DENND2B: variants seen among roughly 807,000 people sequenced by gnomAD.
DENND2B encodes the protein DENN domain-containing protein 2B.
DENND2B carries 32 observed loss-of-function variants against 116.0 expected under a neutral mutation model. That is an observed-to-expected ratio of 0.28 (90% CI 0.21 to 0.37). The LOEUF (loss-of-function observed/expected upper bound fraction) is 0.37, where lower values mean the gene tolerates loss of function less well. DENND2B is among the 10% of genes least tolerant of loss of function. DENND2B has a pLI of 1.00. For synonymous variants in DENND2B, 588 were observed against 583.9 expected, an observed-to-expected ratio of 1.01 and a Z score of -0.10; for missense variants, 1,276 against 1,477.7, an observed-to-expected ratio of 0.86 and a Z score of 2.24.
At chr11:8,782,750 G>C (rs1012182687) in intron 1 of DENND2B, among the ~76,000 whole-genome samples, 1 of 151,774 alleles carries the variant, frequency 6.6e-6, no homozygotes, top group East Asian at 1.9e-4. Flanking sequence ...AGGCGGGCGT[G>C]GGGGTGGGTG....
chr11:8,712,727 G>T lies in DENND2B; in HGVS notation c.1996C>A (p.Gln666Lys). The stretch of plus-strand genomic sequence containing the variant: ...ATCGACTGGATGTGGACCAGGCGCT[G>T]TGTGTGGGCTGGAGGCAGGTTGCAC... ...DSDDRFKAHTQRLVHIQSMLK... is the reference protein window; with the variant it reads ...DSDDRFKAHTKRLVHIQSMLK... The change falls in exon 9 of 20, where the codon CAG becomes AAG. Residue 666 changes from glutamine to lysine, a missense_variant. Gln to Lys is a moderately conservative substitution (Grantham distance 53). Transcript: ENST00000313726. The surrounding 1 kb of genome is among the most constrained non-coding windows in gnomAD (Gnocchi z 4.4). The T allele has an allele frequency of 6.2e-7, 1 of 1,610,672 alleles. No homozygotes were observed. The highest frequency in any genetic ancestry group is 1.7e-5 in the Admixed American group (1 of 59,862).
chr11:8,813,760 T>TC (rs1426607721), upstream of DENND2B, among the ~76,000 whole-genome samples: 2 of 151,994 alleles, frequency 1.3e-5, no homozygotes, highest in Non-Finnish European at 2.9e-5. Context: ...CGGGCCATGC[T>TC]CCCCCTAGTG....
chr11:8,844,526 G>T (rs2062737765), intron 3 of DENND2B, among the ~76,000 whole-genome samples: 2 of 106,656 alleles, frequency 1.9e-5, no homozygotes, highest in South Asian at 8.0e-4. Flanking sequence ...CTATTTAAAA[G>T]AACATACATT....
intron 1 of DENND2B, among the ~76,000 whole-genome samples, chr11:8,777,972 G>A (rs886194182): frequency 1.3e-5 from 2 of 152,156 alleles, no homozygotes; most frequent in African/African-American, 4.8e-5. Context: ...GGCTGAATGG[G>A]TCTCAGTCTC....
Position 8,712,792 on chromosome 11 carries a change from C to G in DENND2B, c.1988-57G>C. 6.5e-7 allele frequency: 1 copy of G among 1,529,102 alleles called. No homozygotes were observed. The highest frequency in any genetic ancestry group is 1.3e-5 in the South Asian group (1 of 79,916). 94.7% of individuals were successfully genotyped at this position (1,529,102 alleles called of 1,614,324 possible). On this transcript the variant is annotated intron_variant, in intron 8 of 19. Transcript: ENST00000313726. The surrounding 1 kb of genome is among the most constrained non-coding windows in gnomAD (Gnocchi z 4.4). ...CCTCACAGGCCTCATGTTAACTCCT[C>G]TACCCCTGGCTCAGGGCTCCATTGC...
At chr11:8,756,946 A>C (rs1279047065) in intron 1 of DENND2B, 1 of 448,748 alleles carries the variant, frequency 2.2e-6, no homozygotes, top group African/African-American at 2.0e-5. Flanking sequence ...TTCAATTAGC[A>C]TATACCATCC....
At chr11:8,724,038 A>G (rs565915803) in intron 4 of DENND2B, among the ~76,000 whole-genome samples, 4 of 152,282 alleles carry the variant, frequency 2.6e-5, no homozygotes, top group Admixed American at 1.3e-4. Flanking sequence ...GCTCACGCCT[A>G]TAATCCCAGA....
At chr11:8,866,854 A>C (rs2063598270) in intron 2 of DENND2B, among the ~76,000 whole-genome samples, 1 of 152,188 alleles carries the variant, frequency 6.6e-6, no homozygotes, top group African/African-American at 2.4e-5. Flanking sequence ...ACCCATGTAG[A>C]GGTCCTGGTG....
At chr11:8,713,443 GATCTC>G (rs1369598688) in intron 8 of DENND2B, among the ~76,000 whole-genome samples, 1 of 152,040 alleles carries the variant, frequency 6.6e-6, no homozygotes, top group Non-Finnish European at 1.5e-5. Context: ...GCAGTGGCAT[GATCTC>G]AGCTCACTAC....
intron 4 of DENND2B, among the ~76,000 whole-genome samples, chr11:8,819,037 T>C (rs563259048): frequency 5.9e-5 from 9 of 152,338 alleles, no homozygotes; most frequent in African/African-American, 2.2e-4. Flanking sequence ...ATCTCACTGA[T>C]TAGATCAATA....
intron 4 of DENND2B, among the ~76,000 whole-genome samples, chr11:8,820,821 C>T (rs2061731973): frequency 6.6e-6 from 1 of 152,142 alleles, no homozygotes; most frequent in Non-Finnish European, 1.5e-5. Flanking sequence ...ATTGTGCAGC[C>T]ATTGTAAGAG....
At chr11:8,809,219 G>GTA (rs2061162707) in intron 1 of DENND2B, 1 of 152,232 alleles carries the variant, frequency 6.6e-6, no homozygotes, top group African/African-American at 2.4e-5. Context: ...CAACCACGAT[G>GTA]TATACATGTA....
intron 1 of DENND2B, among the ~76,000 whole-genome samples, chr11:8,782,609 G>A (rs546693628): frequency 1.8e-4 from 28 of 152,116 alleles, no homozygotes; most frequent in Non-Finnish European, 2.6e-4. Context: ...ATTGTTGGCC[G>A]GGCGCAGTGG....
chr11:8,698,448 A>G (rs1417198370), intron 16 of DENND2B, among the ~76,000 whole-genome samples: 1 of 152,218 alleles, frequency 6.6e-6, no homozygotes, highest in East Asian at 1.9e-4. Context: ...CATAGGGGAG[A>G]GCACTGGGTT....
intron 1 of DENND2B, among the ~76,000 whole-genome samples, chr11:8,758,750 T>A (rs1452954338): frequency 6.6e-6 from 1 of 152,088 alleles, no homozygotes; most frequent in Non-Finnish European, 1.5e-5. Flanking sequence ...CGCGGCTCCC[T>A]CCACCGCAGC....
At chr11:8,892,663 T>C (rs1163219579) in intron 1 of DENND2B, among the ~76,000 whole-genome samples, 2 of 152,098 alleles carry the variant, frequency 1.3e-5, no homozygotes, top group Non-Finnish European at 2.9e-5. Flanking sequence ...TGGATAAATT[T>C]CTGGACACAT....
intron 3 of DENND2B, among the ~76,000 whole-genome samples, chr11:8,840,360 G>A (rs1470434730): frequency 6.6e-6 from 1 of 152,110 alleles, no homozygotes; most frequent in African/African-American, 2.4e-5. Context: ...CTAAGATTCT[G>A]CTGCTTGGAG....
intron 1 of DENND2B, among the ~76,000 whole-genome samples, chr11:8,772,522 G>C (rs1251148157): frequency 5.9e-5 from 9 of 152,092 alleles, no homozygotes; most frequent in Non-Finnish European, 1.5e-5. Flanking sequence ...ATTGGCAAAT[G>C]TGAGAGAAAA....
intron 3 of DENND2B, among the ~76,000 whole-genome samples, chr11:8,727,989 ACACACACACACACACACACG>A (rs2047402542): frequency 8.9e-6 from 1 of 111,994 alleles, no homozygotes; most frequent in African/African-American, 3.8e-5. Flanking sequence ...ACACACACAC[ACACACACACACACACACACG>A]CAAATTTTTT....
Sources: allele counts gnomAD v4.1 joint callset (sites outside exome capture counted in the v4.1 genomes callset), GRCh38; gene constraint gnomAD v4.1.1; non-coding constraint Gnocchi (gnomAD v3.1); transcripts MANE v1.5; gene names NCBI Gene and HGNC (gene_info 2026-07-23, HGNC 2026-07-21).